BMERB1: variants seen among roughly 807,000 people sequenced by gnomAD.
The protein encoded by BMERB1 is bMERB domain containing 1, also known as bMERB domain-containing protein 1.
Under a neutral mutation model 23.6 loss-of-function variants are expected in BMERB1, and 12 were observed. That is an observed-to-expected ratio of 0.51 (90% CI 0.33 to 0.82). The LOEUF (loss-of-function observed/expected upper bound fraction) is 0.82, where lower values mean the gene tolerates loss of function less well. Among genes scored for constraint, BMERB1 ranks in the 40% least tolerant of loss-of-function variants. BMERB1 has a pLI of 0.03. For synonymous variants in BMERB1, 122 were observed against 96.6 expected (o/e 1.26, Z -1.54); for missense variants, 247 against 255.4 (o/e 0.97, Z 0.22).
chr16:15,540,354 C>G (rs905572192), intron 2 of BMERB1, among the ~76,000 whole-genome samples: 3 of 151,756 alleles, frequency 2.0e-5, no homozygotes, highest in African/African-American at 7.3e-5. Flanking sequence ...GGCAAAACCC[C>G]GTCTCTACTA....
At chr16:15,552,398 C>T (rs1043492792) in intron 2 of BMERB1, among the ~76,000 whole-genome samples, 4 of 151,898 alleles carry the variant, frequency 2.6e-5, no homozygotes, top group African/African-American at 9.7e-5. Flanking sequence ...TGAGATTGCA[C>T]CACTGCACTC....
At chr16:15,575,880 G>A (rs1224217726) in intron 3 of BMERB1, among the ~76,000 whole-genome samples, 1 of 152,006 alleles carries the variant, frequency 6.6e-6, no homozygotes, top group Non-Finnish European at 1.5e-5. Context: ...CACAGAAAAG[G>A]AGGAGGGTTT....
chr16:15,560,427 CTTGT>C (rs1391498553), intron 2 of BMERB1, among the ~76,000 whole-genome samples: 1 of 152,172 alleles, frequency 6.6e-6, no homozygotes, highest in Non-Finnish European at 1.5e-5. Flanking sequence ...CTTCTTTGTA[CTTGT>C]TTGTATTTTC....
chr16:15,581,095 G>T, intron 3 of BMERB1, 122 bp from the exon 4 acceptor site: 1 of 642,024 alleles, frequency 1.6e-6, no homozygotes, highest in East Asian at 3.0e-5. Context: ...TGTATTTTTG[G>T]TAGAGATGGG....
At chr16:15,515,739 G>T (rs185924865) in intron 2 of BMERB1, among the ~76,000 whole-genome samples, 2 of 152,224 alleles carry the variant, frequency 1.3e-5, no homozygotes, top group Non-Finnish European at 2.9e-5. Flanking sequence ...TGTCTTTCAC[G>T]AGCGCACACT....
intron 1 of BMERB1, among the ~76,000 whole-genome samples, chr16:15,443,715 C>T (rs182073863): frequency 2.0e-5 from 3 of 151,454 alleles, no homozygotes; most frequent in East Asian, 3.9e-4. Flanking sequence ...GTCAGGAGTT[C>T]GAGACCAGCC....
At chr16:15,492,834 G>A (rs1011508411) in intron 1 of BMERB1, among the ~76,000 whole-genome samples, 7 of 151,956 alleles carry the variant, frequency 4.6e-5, no homozygotes, top group South Asian at 4.2e-4. Context: ...CAGGAGAATC[G>A]CTTGAACCCA....
chr16:15,462,398 C>T (rs987882809), intron 1 of BMERB1, among the ~76,000 whole-genome samples: 2 of 151,796 alleles, frequency 1.3e-5, no homozygotes, highest in African/African-American at 4.8e-5. Flanking sequence ...GTGATCCGCC[C>T]GCCTTGGCCT....
chr16:15,440,766 G>C (rs2050932887), intron 1 of BMERB1, among the ~76,000 whole-genome samples: 1 of 152,142 alleles, frequency 6.6e-6, no homozygotes, highest in Admixed American at 6.5e-5. Flanking sequence ...GTACAGTCTT[G>C]AGATTTCTCG....
chr16:15,502,011 C>A (rs1316964961), intron 1 of BMERB1, among the ~76,000 whole-genome samples: 1 of 152,180 alleles, frequency 6.6e-6, no homozygotes, highest in African/African-American at 2.4e-5. Flanking sequence ...CTGATCTATA[C>A]ATTCTCTCTT....
chr16:15,504,193 CT>C lies in BMERB1; in HGVS notation c.107-11111del, dbSNP rs2051559567. Among the ~76,000 whole-genome samples, 3 of 152,332 alleles carry C rather than the reference CT, an allele frequency of 2.0e-5. No homozygotes were observed. The South Asian group carries it at 6.2e-4, about 32-fold the overall frequency. On this transcript the variant is annotated intron_variant, in intron 1 of 5. Coordinates refer to ENST00000300006, the MANE Select transcript of BMERB1 (RefSeq NM_033201.3). ...AAAGCCCATGCCCAGAACCACTCCCCTCTCTTGCCCTCTTCAAGGGCTGGCC... is the reference window on the plus strand; with the variant it reads ...AAAGCCCATGCCCAGAACCACTCCCCCTCTTGCCCTCTTCAAGGGCTGGCC...
At chr16:15,479,246 C>T (rs955417923) in intron 1 of BMERB1, among the ~76,000 whole-genome samples, 2 of 152,016 alleles carry the variant, frequency 1.3e-5, no homozygotes, top group Non-Finnish European at 2.9e-5. Flanking sequence ...TGTGATTGGT[C>T]GTAATGTTAA....
At chr16:15,533,664 G>C (rs1202321944) in intron 2 of BMERB1, among the ~76,000 whole-genome samples, 1 of 152,204 alleles carries the variant, frequency 6.6e-6, no homozygotes, top group Admixed American at 6.5e-5. Context: ...GGTGGATGAT[G>C]AGGGAGTGGC....
intron 2 of BMERB1, among the ~76,000 whole-genome samples, chr16:15,548,176 G>T (rs2029982590): frequency 6.6e-6 from 1 of 152,036 alleles, no homozygotes; most frequent in South Asian, 2.1e-4. Context: ...GTAGAGACGG[G>T]ATTTCACCAG....
intron 1 of BMERB1, among the ~76,000 whole-genome samples, chr16:15,444,148 T>TTTTTTTTTGTTTTTTTTTTTTTG (rs2050969832): frequency 8.7e-6 from 1 of 114,362 alleles, no homozygotes; most frequent in Non-Finnish European, 1.9e-5. Context: ...TTTTTTTTTT[T>TTTTTTTTTGTTTTTTTTTTTTTG]TTGGCTGTTT....
chr16:15,523,898 C>T (rs530442518), intron 2 of BMERB1, among the ~76,000 whole-genome samples: 26 of 152,216 alleles, frequency 1.7e-4, no homozygotes, highest in Admixed American at 3.9e-4. Context: ...AGATGGGATT[C>T]ACTGTGGTTT....
At chr16:15,474,479 C>T (rs1217650911) in intron 1 of BMERB1, among the ~76,000 whole-genome samples, 1 of 152,102 alleles carries the variant, frequency 6.6e-6, no homozygotes, top group Non-Finnish European at 1.5e-5. Flanking sequence ...ATCTGCCTGC[C>T]TCAGCCTCCT....
intron 1 of BMERB1, among the ~76,000 whole-genome samples, chr16:15,465,293 C>T (rs1337988009): frequency 1.3e-5 from 2 of 151,836 alleles, no homozygotes; most frequent in Admixed American, 1.3e-4. Flanking sequence ...ACAACAAAAC[C>T]GACCCCAAAC....
chr16:15,543,705 CAGCTACTCA>C (rs149373074), intron 2 of BMERB1, among the ~76,000 whole-genome samples: 10,107 of 152,064 alleles, frequency 0.066, 1,115 homozygotes, highest in African/African-American at 0.23. Flanking sequence ...CCCATAATCC[CAGCTACTCA>C]GGAGGCTGAG....
Sources: gnomAD v4.1 joint callset for allele counts (sites outside exome capture counted in the v4.1 genomes callset) on GRCh38, gnomAD v4.1.1 for gene constraint, MANE v1.5 for transcripts, NCBI Gene and HGNC (gene_info 2026-07-23, HGNC 2026-07-21) for gene names.